The following NRXN1 variants were observed in gnomAD, a reference collection of about 807,000 sequenced individuals.
NRXN1 encodes neurexin 1.
In NRXN1, 39 loss-of-function variants were observed where a neutral mutation model predicts 150.9. That is an observed-to-expected ratio of 0.26 (90% CI 0.20 to 0.34). NRXN1 has a LOEUF of 0.34. Among genes scored for constraint, NRXN1 ranks in the 10% least tolerant of loss-of-function variants. The pLI is 1.00. For synonymous variants in NRXN1, 924 were observed against 757.0 expected, an observed-to-expected ratio of 1.22 and a Z score of -3.62; for missense variants, 1,815 against 1,949.9, an observed-to-expected ratio of 0.93 and a Z score of 1.30.
At chr2:50,427,601 C>A (rs575995219) in intron 17 of NRXN1, among the ~76,000 whole-genome samples, 2 of 152,302 alleles carry the variant, frequency 1.3e-5, no homozygotes, top group Admixed American at 1.3e-4. Context: ...CTTTCTCTAA[C>A]AAGTTGTATT....
chr2:50,620,260 T>A, intron 7 of NRXN1, 77 bp from the exon 8 acceptor site: 1 of 1,458,198 alleles, frequency 6.9e-7, no homozygotes, highest in Non-Finnish European at 9.3e-7. Flanking sequence ...GCCTGTTTTG[T>A]GTTTTGCTTT....
intron 5 of NRXN1, among the ~76,000 whole-genome samples, chr2:50,857,127 A>C (rs1675386535): frequency 6.6e-6 from 1 of 152,134 alleles, no homozygotes; most frequent in Non-Finnish European, 1.5e-5. Flanking sequence ...TTTGGAGACT[A>C]TTTTAATTAC....
At chr2:50,945,713 G>A (rs557887116) in intron 2 of NRXN1, among the ~76,000 whole-genome samples, 407 of 151,236 alleles carry the variant, frequency 2.7e-3, no homozygotes, top group Middle Eastern at 0.01. Context: ...GATTAGATAC[G>A]GGCACTGAAA....
chr2:50,661,236 G>A (rs554482706), intron 5 of NRXN1, among the ~76,000 whole-genome samples: 2 of 152,106 alleles, frequency 1.3e-5, no homozygotes, highest in South Asian at 2.1e-4. Flanking sequence ...TGATACCAAA[G>A]ACAAAGTTCT....
intron 5 of NRXN1, among the ~76,000 whole-genome samples, chr2:50,805,252 T>C (rs970432155): frequency 1.3e-5 from 2 of 152,204 alleles, no homozygotes; most frequent in Non-Finnish European, 2.9e-5. Context: ...TTTTGTTTTA[T>C]TACACCTCTA....
intron 17 of NRXN1, among the ~76,000 whole-genome samples, chr2:50,336,756 G>A (rs1202437058): frequency 6.6e-6 from 1 of 152,098 alleles, no homozygotes; most frequent in African/African-American, 2.4e-5. Context: ...TTGGTGTGCC[G>A]ACAGATGTCA....
chr2:50,327,681 G>A (rs536735589), intron 17 of NRXN1, among the ~76,000 whole-genome samples: 5 of 143,806 alleles, frequency 3.5e-5, no homozygotes, highest in East Asian at 2.0e-4. Context: ...ACAGAGTCTC[G>A]CTCTTTCACC....
At chr2:51,004,440 GA>G (rs1322147521) in intron 2 of NRXN1, among the ~76,000 whole-genome samples, 2 of 151,742 alleles carry the variant, frequency 1.3e-5, no homozygotes, top group African/African-American at 4.8e-5. Context: ...TTATTACACA[GA>G]AAAAAATGAA....
chr2:50,192,973 C>A (rs896943256), intron 18 of NRXN1, among the ~76,000 whole-genome samples: 7 of 152,256 alleles, frequency 4.6e-5, no homozygotes, highest in African/African-American at 1.7e-4. Flanking sequence ...GCATTCTGGG[C>A]TACTGTTGTG....
At chr2:51,017,064 TGGACACAG>T (rs1668773089) in intron 2 of NRXN1, among the ~76,000 whole-genome samples, 1 of 145,224 alleles carries the variant, frequency 6.9e-6, no homozygotes, top group Non-Finnish European at 1.5e-5. Flanking sequence ...TAAGAACACA[TGGACACAG>T]GGAGGGGAAC....
chr2:50,829,916 C>T (rs1394688276), intron 5 of NRXN1, among the ~76,000 whole-genome samples: 1 of 146,790 alleles, frequency 6.8e-6, no homozygotes, highest in East Asian at 2.1e-4. Context: ...CTCAGCCTGC[C>T]CTTAGCAAGA....
intron 22 of NRXN1, among the ~76,000 whole-genome samples, chr2:49,939,528 T>C (rs953218921): frequency 3.9e-4 from 60 of 152,324 alleles, no homozygotes; most frequent in African/African-American, 1.4e-3. Flanking sequence ...CAGGACAGTG[T>C]GGCTAAAATC....
intron 5 of NRXN1, among the ~76,000 whole-genome samples, chr2:50,757,262 T>C (rs1195310862): frequency 2.0e-5 from 3 of 151,660 alleles, no homozygotes; most frequent in Admixed American, 6.6e-5. Flanking sequence ...AGTAAGAGTA[T>C]AGCATATACG....
At chr2:50,590,618 T>C (rs1039870020) in intron 8 of NRXN1, among the ~76,000 whole-genome samples, 1 of 152,234 alleles carries the variant, frequency 6.6e-6, no homozygotes, top group Non-Finnish European at 1.5e-5. Context: ...TAGGAAGTGA[T>C]GAGCTCATGA....
At chr2:50,590,095 TGAA>T (rs1270037601) in intron 8 of NRXN1, among the ~76,000 whole-genome samples, 1 of 152,184 alleles carries the variant, frequency 6.6e-6, no homozygotes, top group Non-Finnish European at 1.5e-5. Flanking sequence ...GTAAAATAAA[TGAA>T]GACAATATGT....
intron 21 of NRXN1, among the ~76,000 whole-genome samples, chr2:49,952,154 T>C (rs192840117): frequency 4.3e-4 from 66 of 152,166 alleles, no homozygotes; most frequent in Admixed American, 4.3e-3. Flanking sequence ...GTTTTTCTAT[T>C]ATCCCAGATG....
At chr2:50,835,059 T>C (rs1280875854) in intron 5 of NRXN1, among the ~76,000 whole-genome samples, 1 of 152,166 alleles carries the variant, frequency 6.6e-6, no homozygotes, top group Admixed American at 6.5e-5. Flanking sequence ...CTGAGAATAA[T>C]ATAGACAACC....
intron 17 of NRXN1, among the ~76,000 whole-genome samples, chr2:50,446,968 C>G (rs912384758): frequency 1.8e-4 from 27 of 152,192 alleles, no homozygotes; most frequent in African/African-American, 6.3e-4. Flanking sequence ...CCATGCAATT[C>G]AGGTAATGCA....
At chr2:50,029,451 T>C (rs1688863787) in intron 21 of NRXN1, among the ~76,000 whole-genome samples, 1 of 152,034 alleles carries the variant, frequency 6.6e-6, no homozygotes, top group Non-Finnish European at 1.5e-5. Flanking sequence ...CTTTAGGAGG[T>C]AGTTAAGATT....
Sources: allele counts gnomAD v4.1 joint callset (sites outside exome capture counted in the v4.1 genomes callset), GRCh38; gene constraint gnomAD v4.1.1; transcripts MANE v1.5; gene names NCBI Gene and HGNC (gene_info 2026-07-23, HGNC 2026-07-21).